HNRNPLL: variants seen among roughly 807,000 people sequenced by gnomAD.
HNRNPLL encodes heterogeneous nuclear ribonucleoprotein L like.
In HNRNPLL, 25 loss-of-function variants were observed where a neutral mutation model predicts 67.1. The ratio of observed to expected loss-of-function variants is 0.37; its 90% CI spans 0.27 to 0.52. HNRNPLL has a LOEUF of 0.52. Among genes scored for constraint, HNRNPLL ranks in the 20% least tolerant of loss-of-function variants. HNRNPLL has a pLI of 0.90. For missense variants in HNRNPLL, 542 were observed against 673.9 expected (o/e 0.80, Z 2.17); for synonymous variants, 267 against 241.7 (o/e 1.10, Z -0.97).
At position 38,563,066 on chromosome 2, in the gene HNRNPLL, T is replaced by C. The variant is rs1385729079; in HGVS notation, c.*1116A>G. On this transcript the variant is annotated 3_prime_UTR_variant, in exon 13 of 13. Coordinates refer to ENST00000449105, the MANE Select transcript of HNRNPLL (RefSeq NM_138394.4). The stretch of plus-strand genomic sequence containing the variant: ...AATGGCCACATCAGTTTTTCTATTG[T>C]AAAAAAGCTGTGAACTTGGTAACAA... 2 of 151,994 alleles carry C rather than the reference T, an allele frequency of 1.3e-5. No individual in the cohort carries two copies. The highest frequency in any genetic ancestry group is 2.9e-5 in the Non-Finnish European group (2 of 67,922). 9.4% of individuals were successfully genotyped at this position (151,994 alleles called of 1,614,324 possible).
rs143970677 is a variant in HNRNPLL at position 38,598,079 on chromosome 2, T to C, written c.189+4359A>G. On this transcript the variant is annotated intron_variant, in intron 1 of 12. Coordinates refer to ENST00000449105, the MANE Select transcript of HNRNPLL (RefSeq NM_138394.4). ...TTGCCTACCCAGAATTCCTTACCCG[T>C]TCTGTTTAAAAATAAAAACATAAAA... is the stretch of plus-strand genomic sequence containing the variant. Among the ~76,000 whole-genome samples the C allele has an allele frequency of 4.9e-4, 74 of 151,790 alleles. 4 individuals are homozygous for C. The East Asian group carries it at 0.014, about 28-fold the overall frequency.
Position 38,602,823 on chromosome 2 carries a change from A to G in HNRNPLL, c.-197T>C, listed in dbSNP as rs1478780874. The G allele has an allele frequency of 4.5e-6, 7 of 1,546,512 alleles. No homozygotes were observed. Among genetic ancestry groups the G allele is most frequent in the African/African-American group, 4.1e-5 (3 of 72,374 alleles). ...GACGGACTGAGGGGGGCGCCCCGGG[A>G]GGAAGCTCTGGAGCGGCCGCTCCTC... On this transcript the variant is annotated 5_prime_UTR_variant, in exon 1 of 13. Transcript: ENST00000449105.
At chr2:38,591,218 G>C (rs773604855) in intron 2 of HNRNPLL, among the ~76,000 whole-genome samples, 10 of 152,176 alleles carry the variant, frequency 6.6e-5, no homozygotes, top group Non-Finnish European at 1.3e-4. Context: ...ATGGTTTAAA[G>C]AGTGTTTGAA....
rs538006698 is a variant in HNRNPLL, at chr2:38,584,043, T to G, written c.547-117A>C. 1.3e-5 allele frequency: 6 copies of G among 464,030 alleles called. No individual in the cohort carries two copies. In the South Asian group the frequency reaches 2.7e-4, roughly 21 times the overall value. 28.7% of individuals were successfully genotyped at this position (464,030 alleles called of 1,614,324 possible). A position where few individuals can be genotyped will look rare whatever the true frequency, so the allele number is the denominator to read the frequency against. On this transcript the variant is annotated intron_variant, in intron 3 of 12. Coordinates refer to ENST00000449105, the MANE Select transcript of HNRNPLL (RefSeq NM_138394.4). ...CTGTCAAGATGTCATTTCTATTGAT[T>G]AATAAAATTAATTCTTAAAATTATT...
At chr2:38,588,893 G>A (rs1295996562) in intron 2 of HNRNPLL, among the ~76,000 whole-genome samples, 1 of 152,066 alleles carries the variant, frequency 6.6e-6, no homozygotes, top group African/African-American at 2.4e-5. Context: ...AGATCACAGA[G>A]AGAAAAGGCT....
chr2:38,598,211 G>A (rs76470410), intron 1 of HNRNPLL, among the ~76,000 whole-genome samples: 4,187 of 152,276 alleles, frequency 0.027, 77 homozygotes, highest in South Asian at 0.079. Context: ...GACGGGGGAA[G>A]AGGGGAAGAT....
intron 7 of HNRNPLL, among the ~76,000 whole-genome samples, chr2:38,576,738 G>T (rs756739738): frequency 5.9e-5 from 9 of 151,850 alleles, no homozygotes; most frequent in Non-Finnish European, 8.8e-5. Context: ...TCTATTTTCT[G>T]CCAGTTTTAA....
chr2:38,581,513 T>C (rs1420943647), intron 6 of HNRNPLL: 2 of 238,666 alleles, frequency 8.4e-6, no homozygotes, highest in Non-Finnish European at 1.6e-5. Flanking sequence ...GTCAGCCTGC[T>C]GGAGTCCTCT....
chr2:38,577,376 G>A (rs1383850302), intron 7 of HNRNPLL, 85 bp downstream of exon 7: 1 of 866,712 alleles, frequency 1.2e-6, no homozygotes, highest in Non-Finnish European at 2.0e-6. Context: ...AGGAAAAATA[G>A]ACAAGAAATG....
chr2:38,588,442 G>C (rs1666818023), intron 2 of HNRNPLL, among the ~76,000 whole-genome samples: 1 of 151,304 alleles, frequency 6.6e-6, no homozygotes, highest in African/African-American at 2.4e-5. Context: ...CCAGCTACTT[G>C]GGAGGCTGAG....
chr2:38,588,409 C>T (rs1296791147), intron 2 of HNRNPLL, among the ~76,000 whole-genome samples: 3 of 151,734 alleles, frequency 2.0e-5, no homozygotes, highest in Admixed American at 1.3e-4. Flanking sequence ...ATTAGCCAGG[C>T]ACGGTGGCAG....
Position 38,602,887 on chromosome 2 carries a change from C to T in HNRNPLL, c.-261G>A, listed in dbSNP as rs781560454. 452 of 1,548,084 alleles carry T rather than the reference C, an allele frequency of 2.9e-4. No homozygotes were observed. The highest frequency in any genetic ancestry group is 2.3e-4 in the Non-Finnish European group (269 of 1,145,370). On this transcript the variant is annotated 5_prime_UTR_variant, in exon 1 of 13. Transcript: ENST00000449105. ...CAACATTCAGCCTCTCCCTCCTCCT[C>T]CTCCGTCTCCGCTCCCTGCCCGGAG...
rs1049065994 is a variant in HNRNPLL, at chr2:38,580,620, T to C, written c.802+1293A>G. Among the ~76,000 whole-genome samples the C allele has an allele frequency of 4.6e-5, 7 of 152,310 alleles. 1 individual carries two copies. In the East Asian group the frequency reaches 9.6e-4, roughly 21 times the overall value. ...CCACCCTGTAGTTCAAACACTGATA[T>C]TGTAGTTAAGATGTAGCCAATACTG... On this transcript the variant is annotated intron_variant, in intron 6 of 12. Coordinates refer to ENST00000449105, the MANE Select transcript of HNRNPLL (RefSeq NM_138394.4).
chr2:38,598,655 G>C (rs1667306787), intron 1 of HNRNPLL, among the ~76,000 whole-genome samples: 1 of 152,182 alleles, frequency 6.6e-6, no homozygotes, highest in Non-Finnish European at 1.5e-5. Flanking sequence ...TTTAAATGAG[G>C]CTAGAGATCA....
chr2:38,567,985 A>G lies in HNRNPLL; in HGVS notation c.1573+214T>C, dbSNP rs182601544. ...AATACTAACCCTCAGAAACAGTAAG[A>G]TAATAAATGTTTGCTGTTTTAAGAT... On this transcript the variant is annotated intron_variant, in intron 12 of 12. Transcript: ENST00000449105. 808 of 446,036 alleles carry G rather than the reference A, an allele frequency of 1.8e-3. 7 individuals are homozygous for G. Among genetic ancestry groups the G allele is most frequent in the South Asian group, 6.0e-4 (18 of 30,022 alleles). 27.6% of individuals were successfully genotyped at this position (446,036 alleles called of 1,614,324 possible).
At chr2:38,599,594 G>C (rs1667343868) in intron 1 of HNRNPLL, among the ~76,000 whole-genome samples, 1 of 152,074 alleles carries the variant, frequency 6.6e-6, no homozygotes, top group African/African-American at 2.4e-5. Context: ...AAAGGTACCA[G>C]AAGACACAAA....
chr2:38,563,592 T>A lies in HNRNPLL; in HGVS notation c.*590A>T, dbSNP rs778777760. 8 of 151,984 alleles carry A rather than the reference T, an allele frequency of 5.3e-5. No individual in the cohort carries two copies. The highest frequency in any genetic ancestry group is 1.9e-4 in the African/African-American group (8 of 41,402). The allele number at this position is 151,984 out of a possible 1,614,324, so 9.4% of individuals were successfully genotyped here. A position where few individuals can be genotyped will look rare whatever the true frequency, so the allele number is the denominator to read the frequency against. Reference sequence around the variant, plus strand: ...AAATGGACAGTGACTTAAAAAAAAATACACCAATTTAAATAAGTTTGAATG... The same window carrying A: ...AAATGGACAGTGACTTAAAAAAAAAAACACCAATTTAAATAAGTTTGAATG... On this transcript the variant is annotated 3_prime_UTR_variant, in exon 13 of 13. Coordinates refer to ENST00000449105, the MANE Select transcript of HNRNPLL (RefSeq NM_138394.4).
Position 38,564,195 on chromosome 2 carries a change from G to T in HNRNPLL, c.1616C>A (p.Ser539Ter). ...PYTLKLCFST[S>*]SHL ...GCTCTTCTCTTCTTATAAATGGGAT[G>T]ATGTAGAAAAGCAAAGCTTCAATGT... The change falls in exon 13 of 13, where the codon TCA becomes TAA. Residue 539 changes from serine (S) to a stop codon, truncating the protein, a stop_gained. Transcript: ENST00000449105. LOFTEE classifies it high-confidence loss of function. 1 of 1,554,866 alleles carries T rather than the reference G, an allele frequency of 6.4e-7. No individual in the cohort carries two copies. Among genetic ancestry groups the T allele is most frequent in the Non-Finnish European group, 8.9e-7 (1 of 1,126,884 alleles).
chr2:38,589,663 T>C (rs1666886063), intron 2 of HNRNPLL, among the ~76,000 whole-genome samples: 1 of 152,102 alleles, frequency 6.6e-6, no homozygotes, highest in South Asian at 2.1e-4. Context: ...AATTTTAGAG[T>C]CTAAAAATGC....
Sources: allele counts gnomAD v4.1 joint callset (sites outside exome capture counted in the v4.1 genomes callset), GRCh38; gene constraint gnomAD v4.1.1; transcripts MANE v1.5; gene names NCBI Gene and HGNC (gene_info 2026-07-23, HGNC 2026-07-21).